The following TCF12 variants were observed in gnomAD, a reference collection of about 807,000 sequenced individuals.
The protein encoded by TCF12 is DNA-binding protein HTF4.
TCF12 carries 45 observed loss-of-function variants against 86.0 expected under a neutral mutation model. The ratio of observed to expected loss-of-function variants is 0.52; its 90% CI spans 0.41 to 0.67. The LOEUF (loss-of-function observed/expected upper bound fraction) is 0.67. TCF12 is among the 30% of genes least tolerant of loss of function. The pLI is 0.00. For missense variants in TCF12, 881 were observed against 859.9 expected, an observed-to-expected ratio of 1.02 and a Z score of -0.31; for synonymous variants, 330 against 299.6, an observed-to-expected ratio of 1.10 and a Z score of -1.05.
chr15:57,219,055 A>T, intron 8 of TCF12: 1 of 1,051,638 alleles, frequency 9.5e-7, no homozygotes, highest in South Asian at 4.6e-5. Context: ...ACCATGGCAG[A>T]TGGTAACGCT....
At chr15:57,028,064 A>G (rs1726773213) in intron 3 of TCF12, among the ~76,000 whole-genome samples, 1 of 151,902 alleles carries the variant, frequency 6.6e-6, no homozygotes, top group South Asian at 2.1e-4. Context: ...CCTGGGTTCA[A>G]GTTATTCTTC....
chr15:56,926,949 G>A (rs1436916680), intron 3 of TCF12, among the ~76,000 whole-genome samples: 1 of 152,190 alleles, frequency 6.6e-6, no homozygotes, highest in Non-Finnish European at 1.5e-5. Context: ...AAATAAGGAA[G>A]GCATTTATTT....
At chr15:56,966,373 C>T (rs1279306169) in intron 3 of TCF12, among the ~76,000 whole-genome samples, 1 of 152,150 alleles carries the variant, frequency 6.6e-6, no homozygotes, top group Non-Finnish European at 1.5e-5. Flanking sequence ...ACCGCAGTTA[C>T]TTTTGCACCA....
chr15:57,148,454 G>T (rs1194373254), intron 5 of TCF12, among the ~76,000 whole-genome samples: 1 of 151,340 alleles, frequency 6.6e-6, no homozygotes, highest in Non-Finnish European at 1.5e-5. Context: ...CAGACTTAAT[G>T]CTGTGACAAA....
At chr15:57,170,657 T>TAA (rs57029694) in intron 6 of TCF12, among the ~76,000 whole-genome samples, 1 of 37,914 alleles carries the variant, frequency 2.6e-5, no homozygotes, top group African/African-American at 9.9e-5. Context: ...ATATATTATA[T>TAA]AAAATATATA....
At chr15:57,002,906 G>GGATCA (rs1353804753) in intron 3 of TCF12, among the ~76,000 whole-genome samples, 1 of 152,172 alleles carries the variant, frequency 6.6e-6, no homozygotes, top group Non-Finnish European at 1.5e-5. Context: ...TGAGAAAAGA[G>GGATCA]GATCACTTCT....
At chr15:57,085,831 C>T (rs149869003) in intron 4 of TCF12, among the ~76,000 whole-genome samples, 24 of 152,122 alleles carry the variant, frequency 1.6e-4, no homozygotes, top group African/African-American at 5.3e-4. Flanking sequence ...GGGTTTTGGC[C>T]GATTCTTCTG....
At chr15:57,196,231 GTTA>G (rs2057259125) in intron 7 of TCF12, among the ~76,000 whole-genome samples, 1 of 151,150 alleles carries the variant, frequency 6.6e-6, no homozygotes, top group East Asian at 1.9e-4. Flanking sequence ...TTTTTTTCTT[GTTA>G]TTATTCCCTG....
chr15:57,018,774 T>G (rs1466738169), intron 3 of TCF12, among the ~76,000 whole-genome samples: 1 of 152,132 alleles, frequency 6.6e-6, no homozygotes, highest in East Asian at 1.9e-4. Flanking sequence ...CTCATATTCC[T>G]CAGATAAAAG....
chr15:57,004,461 T>G (rs1471603713), intron 3 of TCF12, among the ~76,000 whole-genome samples: 1 of 152,092 alleles, frequency 6.6e-6, no homozygotes, highest in Non-Finnish European at 1.5e-5. Flanking sequence ...CAGGCTGGAG[T>G]GCAGTGGCGC....
In TCF12 at chr15:57,003,189, CTTCT is replaced by C. The variant is rs1305639107; in HGVS notation, c.149-60560_149-60557del. Among the ~76,000 whole-genome samples the C allele has an allele frequency of 3.0e-4, 45 of 152,238 alleles. 1 individual carries two copies. The East Asian group carries it at 8.5e-3, about 29-fold the overall frequency. ...ATAGGGTAATGGGTAACTTCAGTGG[CTTCT>C]CAGTCAAGGTAGTATGGTCTATAAA... On this transcript the variant is annotated intron_variant, in intron 3 of 20. Coordinates refer to ENST00000333725, the MANE Select transcript of TCF12 (RefSeq NM_207037.2).
At chr15:57,074,650 G>A (rs541465112) in intron 4 of TCF12, among the ~76,000 whole-genome samples, 39 of 152,282 alleles carry the variant, frequency 2.6e-4, no homozygotes, top group Non-Finnish European at 5.3e-4. Context: ...TGGGATTACA[G>A]AGGTCTACCA....
At chr15:57,245,637 T>C (rs970867317) in intron 13 of TCF12, among the ~76,000 whole-genome samples, 1 of 152,172 alleles carries the variant, frequency 6.6e-6, no homozygotes, top group Admixed American at 6.5e-5. Context: ...ATCAATGAAA[T>C]GCAGAATCCA....
chr15:57,158,057 T>C (rs1405489398), intron 5 of TCF12, among the ~76,000 whole-genome samples: 1 of 152,118 alleles, frequency 6.6e-6, no homozygotes, highest in Non-Finnish European at 1.5e-5. Flanking sequence ...TCCTCACCTA[T>C]TTATATTTAA....
At chr15:57,081,162 C>T (rs1161984140) in intron 4 of TCF12, among the ~76,000 whole-genome samples, 1 of 152,156 alleles carries the variant, frequency 6.6e-6, no homozygotes, top group African/African-American at 2.4e-5. Context: ...TTTGTTGTTG[C>T]ATTTTCCTAC....
chr15:56,979,210 TAAG>T (rs545300618), intron 3 of TCF12, among the ~76,000 whole-genome samples: 119 of 152,184 alleles, frequency 7.8e-4, no homozygotes, highest in Non-Finnish European at 1.5e-3. Flanking sequence ...GTCTTTAGGA[TAAG>T]AAGCTACTGG....
chr15:57,034,197 T>C lies in TCF12; in HGVS notation c.149-29553T>C, dbSNP rs555899015. 1.8e-3 allele frequency among the ~76,000 whole-genome samples: 280 copies of C among 152,340 alleles called. 1 individual carries two copies. Among genetic ancestry groups the C allele is most frequent in the African/African-American group, 6.5e-3 (270 of 41,578 alleles). On this transcript the variant is annotated intron_variant, in intron 3 of 20. Coordinates refer to ENST00000333725, the MANE Select transcript of TCF12 (RefSeq NM_207037.2). ...ATAGGACTGATCACATTTTCAGATT[T>C]TACTTGAGTCACTGAGATTATTTTT...
At chr15:57,170,657 TAAA>T (rs57029694) in intron 6 of TCF12, among the ~76,000 whole-genome samples, 5 of 37,902 alleles carry the variant, frequency 1.3e-4, no homozygotes, top group Non-Finnish European at 2.0e-4. Flanking sequence ...ATATATTATA[TAAA>T]ATATATATAT....
intron 3 of TCF12, among the ~76,000 whole-genome samples, chr15:56,954,811 T>C (rs1422509194): frequency 6.6e-6 from 1 of 152,092 alleles, no homozygotes. Context: ...AACAGACACA[T>C]GAAAAAATGC....
Sources: allele counts gnomAD v4.1 joint callset (sites outside exome capture counted in the v4.1 genomes callset), GRCh38; gene constraint gnomAD v4.1.1; transcripts MANE v1.5; gene names NCBI Gene and HGNC (gene_info 2026-07-23, HGNC 2026-07-21).